Variants in KANK1 observed in about 807,000 individuals in gnomAD.
The protein encoded by KANK1 is KN motif and ankyrin repeat domains 1, also known as KN motif and ankyrin repeat domain-containing protein 1.
A neutral mutation model predicts 106.2 loss-of-function variants in KANK1; 109 were observed. That is an observed-to-expected ratio of 1.03 (90% confidence interval 0.88 to 1.20). The LOEUF (loss-of-function observed/expected upper bound fraction) is 1.20. KANK1 is among the 50% of genes most tolerant of loss of function. The pLI is 0.00. For missense variants in KANK1, 2,399 were observed against 1,710.7 expected (o/e 1.40, Z -7.10); for synonymous variants, 873 against 652.2 (o/e 1.34, Z -5.16).
chr9:734,879 C>T, intron 7 of KANK1, 44 bp downstream of exon 7: 2 of 1,408,576 alleles, frequency 1.4e-6, no homozygotes, highest in Non-Finnish European at 2.0e-6. Flanking sequence ...GTACAAAGTG[C>T]ATGAGTGGGT....
At chr9:480,500 T>A (rs553483461) in intron 3 of KANK1, among the ~76,000 whole-genome samples, 1 of 152,166 alleles carries the variant, frequency 6.6e-6, no homozygotes, top group African/African-American at 2.4e-5. Context: ...AGAAAGTATA[T>A]CTAAAAAGGC....
chr9:674,673 G>T (rs1816015440), intron 1 of KANK1, among the ~76,000 whole-genome samples: 1 of 151,994 alleles, frequency 6.6e-6, no homozygotes, highest in Non-Finnish European at 1.5e-5. Context: ...TTCCCTGAGG[G>T]TTTTAAAGCA....
intron 1 of KANK1, among the ~76,000 whole-genome samples, chr9:511,987 G>T (rs895720045): frequency 6.6e-6 from 1 of 151,924 alleles, no homozygotes; most frequent in African/African-American, 2.4e-5. Flanking sequence ...TGGTGGATGT[G>T]CTGGTCCACT....
chr9:701,907 A>G (rs1822764077), intron 2 of KANK1, among the ~76,000 whole-genome samples: 3 of 152,190 alleles, frequency 2.0e-5, no homozygotes, highest in Non-Finnish European at 2.9e-5. Flanking sequence ...TGAAATATCC[A>G]TAACTCCATT....
At position 711,681 on chromosome 9, in the gene KANK1, G is replaced by A; in HGVS notation, c.915G>A (p.Leu305=). The part of the protein sequence containing the change: ...QEEKRQLVSQ[L]KNQRAASQIN... ...AGAAAAGGCAGTTGGTCTCACAGCT[G>A]AAAAACCAAAGGGCTGCATCCCAGA... The change falls in exon 3 of 12, where the codon CTG becomes CTA. Residue 305 remains leucine (L), a synonymous_variant. Coordinates refer to ENST00000382297, the MANE Select transcript of KANK1 (RefSeq NM_015158.5). 1 of 1,614,206 alleles carries A rather than the reference G, an allele frequency of 6.2e-7. No individual in the cohort carries two copies.
Position 679,761 on chromosome 9 carries a change from A to G in KANK1, c.37+2752A>G, listed in dbSNP as rs187426442. On this transcript the variant is annotated intron_variant, in intron 2 of 11. Transcript: ENST00000382297. ...ATTGTCTGAAAACCAAAACAAAAGC[A>G]AGAATTACTGGTGATAATACCACCT... Among the ~76,000 whole-genome samples, 6 of 152,354 alleles carry G rather than the reference A, an allele frequency of 3.9e-5. No homozygotes were observed. In the East Asian group the frequency reaches 1.2e-3, roughly 29 times the overall value.
intron 1 of KANK1, among the ~76,000 whole-genome samples, chr9:538,179 A>G (rs1413735420): frequency 1.5e-5 from 1 of 66,794 alleles, no homozygotes; most frequent in African/African-American, 1.0e-4. Flanking sequence ...TCTCGTCTGT[A>G]AAAAAAAAAA....
intron 1 of KANK1, among the ~76,000 whole-genome samples, chr9:563,316 G>A (rs959580862): frequency 2.0e-5 from 3 of 151,664 alleles, no homozygotes; most frequent in African/African-American, 7.3e-5. Flanking sequence ...CTATTTTTCT[G>A]TTCTTTGTGC....
Position 740,943 on chromosome 9 carries a change from G to T in KANK1, c.3696+9G>T, listed in dbSNP as rs751708696. 1 of 1,613,776 alleles carries T rather than the reference G, an allele frequency of 6.2e-7. No individual in the cohort carries two copies. The highest frequency in any genetic ancestry group is 1.6e-4 in the Middle Eastern group (1 of 6,062). On this transcript the variant is annotated intron_variant, in intron 9 of 11. Transcript: ENST00000382297. The stretch of plus-strand genomic sequence containing the variant: ...ATGCCAAAGCTAGTCAGGTTAGTGC[G>T]CCTGGTTCCTGTGCTCAGGAATGCA...
intron 1 of KANK1, among the ~76,000 whole-genome samples, chr9:592,972 G>A (rs1002833037): frequency 2.0e-5 from 3 of 151,826 alleles, no homozygotes; most frequent in Admixed American, 6.6e-5. Context: ...TGATCTTGGC[G>A]TCACCCACCA....
chr9:508,812 T>G (rs2058895434), intron 1 of KANK1, among the ~76,000 whole-genome samples: 1 of 146,338 alleles, frequency 6.8e-6, no homozygotes, highest in Admixed American at 6.6e-5. Flanking sequence ...TTACATAGTT[T>G]CCAGTTTCTT....
intron 1 of KANK1, among the ~76,000 whole-genome samples, chr9:521,982 C>G (rs2059575412): frequency 6.6e-6 from 1 of 151,820 alleles, no homozygotes. Context: ...CCTTTTGCCT[C>G]TCTCAGTGGC....
At chr9:686,902 A>G (rs1314069566) in intron 2 of KANK1, 1 of 985,216 alleles carries the variant, frequency 1.0e-6, no homozygotes, top group Non-Finnish European at 1.2e-6. Context: ...GAATCCTGAG[A>G]CTAAACATCT....
rs760526483 is a variant in KANK1 at position 732,495 on chromosome 9, A to C, written c.3123A>C (p.Glu1041Asp). 1.9e-6 allele frequency: 3 copies of C among 1,614,004 alleles called. No homozygotes were observed. ...PLEEEEEEEDEDTRGMAEGHH... is the reference protein window; with the variant it reads ...PLEEEEEEEDDDTRGMAEGHH... ...AAGAAGAGGAGGAGGAGGAGGATGA[A>C]GACACTCGGGGAATGGCAGAAGGGC... Residue 1041 changes from glutamate to aspartate, a missense_variant, in exon 6 of 12, where the codon GAA becomes GAC. Physicochemically the swap from Glu to Asp is conservative, Grantham distance 45. Coordinates refer to ENST00000382297, the MANE Select transcript of KANK1 (RefSeq NM_015158.5).
At chr9:686,690 G>A in intron 2 of KANK1, 1 of 898,054 alleles carries the variant, frequency 1.1e-6, no homozygotes, top group Non-Finnish European at 1.3e-6. Flanking sequence ...CTGTTTGGCA[G>A]TGTGAGGGGA....
chr9:496,994 C>T (rs2058467386), intron 3 of KANK1, among the ~76,000 whole-genome samples: 1 of 152,066 alleles, frequency 6.6e-6, no homozygotes, highest in African/African-American at 2.4e-5. Flanking sequence ...ATTTCCTGAA[C>T]TAGAATTATG....
At chr9:651,009 C>G (rs1489551585) in intron 1 of KANK1, among the ~76,000 whole-genome samples, 1 of 152,106 alleles carries the variant, frequency 6.6e-6, no homozygotes, top group Non-Finnish European at 1.5e-5. Context: ...AATAAAGCAA[C>G]AGGGCCACCA....
At chr9:648,520 T>C (rs1037641352) in intron 1 of KANK1, among the ~76,000 whole-genome samples, 1 of 152,148 alleles carries the variant, frequency 6.6e-6, no homozygotes, top group African/African-American at 2.4e-5. Context: ...TTAAAAATAA[T>C]TTTGAACATT....
chr9:643,569 G>C (rs953825844), intron 1 of KANK1, among the ~76,000 whole-genome samples: 7 of 112,614 alleles, frequency 6.2e-5, no homozygotes, highest in Non-Finnish European at 1.0e-4. Flanking sequence ...TTTTTTGGTA[G>C]TGATAGGGTC....
Sources: gnomAD v4.1 joint callset for allele counts (sites outside exome capture counted in the v4.1 genomes callset) on GRCh38, gnomAD v4.1.1 for gene constraint, MANE v1.5 for transcripts, NCBI Gene and HGNC (gene_info 2026-07-23, HGNC 2026-07-21) for gene names.